Variants in LY75 observed in about 807,000 individuals in gnomAD.
The protein encoded by LY75 is C-type lectin domain family 13 member B.
In LY75, 185 loss-of-function variants were observed where a neutral mutation model predicts 231.7. The observed-to-expected ratio is 0.80, with a 90% CI of 0.71 to 0.90. The LOEUF (loss-of-function observed/expected upper bound fraction) is 0.90, where lower values mean the gene tolerates loss of function less well. Among genes scored for constraint, LY75 ranks in the 40% least tolerant of loss-of-function variants. The probability of loss-of-function intolerance (pLI) is 0.00; values close to 1 mark genes in which losing one functional copy is unlikely to be tolerated. For synonymous variants in LY75, 668 were observed against 689.0 expected (o/e 0.97, Z 0.48); for missense variants, 1,947 against 2,050.2 (o/e 0.95, Z 0.97).
At chr2:159,825,314 A>G (rs569282469) in intron 28 of LY75, among the ~76,000 whole-genome samples, 73 of 152,230 alleles carry the variant, frequency 4.8e-4, no homozygotes, top group Non-Finnish European at 8.7e-4. Context: ...CTACCATCAG[A>G]GAATACTATA....
chr2:159,901,595 C>G (rs887771309), intron 1 of LY75, among the ~76,000 whole-genome samples: 1 of 152,198 alleles, frequency 6.6e-6, no homozygotes, highest in Non-Finnish European at 1.5e-5. Context: ...GGATTAGCTA[C>G]ATTTCTTTAT....
chr2:159,814,137 C>T (rs1683047203), intron 31 of LY75: 1 of 152,248 alleles, frequency 6.6e-6, no homozygotes, highest in African/African-American at 2.4e-5. Flanking sequence ...CTTCGGAAAC[C>T]AATGCCACCA....
chr2:159,810,527 A>G lies in LY75; in HGVS notation c.4698T>C (p.His1566=). ...GAAAATCAACAAATTTTAACTCACC[A>G]TGTTTTGAACACAATTTTTTGGCCT... ...FSEAKKLCSK[H]DHSATIVSIK... is the part of the protein sequence containing the mutation. Residue 1566 remains histidine (H), a splice_region_variant and synonymous_variant, in exon 32 of 35, where the codon CAT becomes CAC. Transcript: ENST00000263636. 1 of 1,610,848 alleles carries G rather than the reference A, an allele frequency of 6.2e-7. No individual in the cohort carries two copies. The highest frequency in any genetic ancestry group is 8.5e-7 in the Non-Finnish European group (1 of 1,179,184).
chr2:159,893,826 T>A, intron 3 of LY75, 88 bp downstream of exon 3: 1 of 1,465,370 alleles, frequency 6.8e-7, no homozygotes, highest in Non-Finnish European at 9.1e-7. Context: ...TTGCAGTCAC[T>A]TTTGAGTCAC....
rs145004253 is a variant in LY75 at position 159,807,079 on chromosome 2, A to G, written c.4884T>C (p.Ser1628=). 2.0e-3 allele frequency: 3,214 copies of G among 1,613,888 alleles called. 5 individuals carry two copies. The highest frequency in any genetic ancestry group is 2.7e-3 in the Admixed American group (163 of 59,992). The change falls in exon 34 of 35, where the codon AGT becomes AGC. Residue 1628 remains serine (S), a synonymous_variant. Transcript: ENST00000263636. ...EVTFVKWENK[S]KSGVGRCSML... is the part of the protein sequence containing the mutation. Reference sequence around the variant, plus strand: ...TGCTACATCTTCCAACACCACTCTTACTTTTATTTTCCCATTTGACAAATG... The same window carrying G: ...TGCTACATCTTCCAACACCACTCTTGCTTTTATTTTCCCATTTGACAAATG...
chr2:159,841,011 T>A, intron 24 of LY75, 56 bp from the exon 25 acceptor site: 1 of 1,585,146 alleles, frequency 6.3e-7, no homozygotes, highest in East Asian at 2.2e-5. Context: ...CTCTGCAAGT[T>A]ATGGGACATT....
intron 3 of LY75, among the ~76,000 whole-genome samples, chr2:159,892,056 G>A (rs1685774936): frequency 6.6e-6 from 1 of 152,142 alleles, no homozygotes; most frequent in Non-Finnish European, 1.5e-5. Context: ...CTCCAAGTGT[G>A]GTTCCCAGAC....
chr2:159,898,927 AAG>A lies in LY75; in HGVS notation c.225_226del (p.Phe76SerfsTer18), dbSNP rs1685985122. 6.2e-7 allele frequency: 1 copy of A among 1,614,126 alleles called. No individual in the cohort carries two copies. Among genetic ancestry groups the A allele is most frequent in the Admixed American group, 1.7e-5 (1 of 60,014 alleles). ...AAGGCACTTTTGGGAGTGCAAATGA[AAG>A]AGCCGATGCTGGGACACCCACTTCC... On this transcript the variant is annotated frameshift_variant, in exon 2 of 35. Transcript: ENST00000263636. LOFTEE classifies it high-confidence loss of function.
chr2:159,854,502 A>T lies in LY75; in HGVS notation c.2453T>A (p.Ile818Asn), dbSNP rs758429761. The T allele has an allele frequency of 5.0e-6, 8 of 1,613,280 alleles. No homozygotes were observed. The highest frequency in any genetic ancestry group is 6.8e-6 in the Non-Finnish European group (8 of 1,179,530). Residue 818 changes from isoleucine (I) to asparagine (N), a missense_variant, in exon 18 of 35, where the codon ATT (isoleucine) becomes AAT (asparagine). Ile to Asn is a moderately radical substitution (Grantham distance 149). Transcript: ENST00000263636. ...RAGIHGPPLIIEGSEYWFVAD... is the reference protein window; with the variant it reads ...RAGIHGPPLINEGSEYWFVAD... ...AACAAACCAATATTCACTTCCTTCA[A>T]TTATAAGTGGAGGTCCATGAATTCC...
chr2:159,846,001 T>G (rs983120075), intron 23 of LY75, among the ~76,000 whole-genome samples: 1 of 151,950 alleles, frequency 6.6e-6, no homozygotes, highest in Non-Finnish European at 1.5e-5. Context: ...TTTTGCTGTG[T>G]TGCCCAGGCT....
At chr2:159,841,104 TG>T in intron 24 of LY75, 149 bp from the exon 25 acceptor site, 1 of 1,232,530 alleles carries the variant, frequency 8.1e-7, no homozygotes, top group South Asian at 1.6e-5. Flanking sequence ...GAATTAGGTA[TG>T]TCTTGCTGTA....
intron 25 of LY75, among the ~76,000 whole-genome samples, chr2:159,839,866 C>T (rs149978370): frequency 1.3e-5 from 2 of 151,756 alleles, no homozygotes; most frequent in African/African-American, 4.8e-5. Context: ...ATTAGCTGGG[C>T]GTGTTGGCGC....
At chr2:159,902,914 T>C (rs1156623498) in intron 1 of LY75, 2 of 152,214 alleles carry the variant, frequency 1.3e-5, no homozygotes, top group Non-Finnish European at 2.9e-5. Flanking sequence ...AGGGGCTCCT[T>C]CAGTGTTTGG....
At chr2:159,840,991 C>T in intron 24 of LY75, 36 bp from the exon 25 acceptor site, 2 of 1,603,944 alleles carry the variant, frequency 1.2e-6, no homozygotes, top group East Asian at 2.2e-5. Flanking sequence ...ACAACAAACC[C>T]TTCCCCACAC....
At chr2:159,827,044 C>A (rs950900685) in intron 28 of LY75, among the ~76,000 whole-genome samples, 4 of 152,158 alleles carry the variant, frequency 2.6e-5, no homozygotes, top group African/African-American at 9.7e-5. Flanking sequence ...AGGACATAGG[C>A]ATGGGCAAAG....
In LY75 at chr2:159,810,580, A is replaced by T. The variant is rs1355744337; in HGVS notation, c.4645T>A (p.Ser1549Thr). 1 of 1,614,176 alleles carries T rather than the reference A, an allele frequency of 6.2e-7. No individual in the cohort carries two copies. Among genetic ancestry groups the T allele is most frequent in the South Asian group, 1.1e-5 (1 of 91,076 alleles). Residue 1549 changes from serine to threonine, a missense_variant, in exon 32 of 35, where the codon TCT (serine) becomes ACT (threonine). Coordinates refer to ENST00000263636, the MANE Select transcript of LY75 (RefSeq NM_002349.4). ...GAAAAACTGTGCAATGCCTGATCAG[A>T]CTTGTAACAGTGACCCTTGTACTGG... ...WIQYKGHCYK[S>T]DQALHSFSEA...
At chr2:159,902,042 G>C (rs1686098776) in intron 1 of LY75, among the ~76,000 whole-genome samples, 2 of 152,178 alleles carry the variant, frequency 1.3e-5, no homozygotes. Flanking sequence ...CCCTTATTTA[G>C]AAAATTTGGT....
rs1391933816 is a variant in LY75, at chr2:159,853,264, T to C, written c.2743+9A>G. 1 of 1,610,556 alleles carries C rather than the reference T, an allele frequency of 6.2e-7. No homozygotes were observed. The highest frequency in any genetic ancestry group is 2.2e-5 in the East Asian group (1 of 44,744). On this transcript the variant is annotated intron_variant, in intron 20 of 34. Transcript: ENST00000263636. ...TAATCAGCATTAAAGGATTTAGAAT[T>C]AACTTTACCGATAAGCCAAGTCTTG...
Position 159,810,528 on chromosome 2 carries a change from T to C in LY75, c.4697A>G (p.His1566Arg). Residue 1566 changes from histidine (H) to arginine (R), a missense_variant and splice_region_variant, in exon 32 of 35, where the codon CAT becomes CGT. Physicochemically the swap from His to Arg is conservative, Grantham distance 29. Transcript: ENST00000263636. ...AAAATCAACAAATTTTAACTCACCATGTTTTGAACACAATTTTTTGGCCTC... is the reference window on the plus strand; with the variant it reads ...AAAATCAACAAATTTTAACTCACCACGTTTTGAACACAATTTTTTGGCCTC... The part of the protein sequence containing the change: ...FSEAKKLCSK[H>R]DHSATIVSIK... 6.2e-7 allele frequency: 1 copy of C among 1,611,028 alleles called. No homozygotes were observed. Among genetic ancestry groups the C allele is most frequent in the Non-Finnish European group, 8.5e-7 (1 of 1,179,254 alleles).
Sources: allele counts gnomAD v4.1 joint callset (sites outside exome capture counted in the v4.1 genomes callset), GRCh38; gene constraint gnomAD v4.1.1; transcripts MANE v1.5; gene names NCBI Gene and HGNC (gene_info 2026-07-23, HGNC 2026-07-21).